SERPINB8: variants seen among roughly 807,000 people sequenced by gnomAD.
SERPINB8 encodes serpin B8.
In SERPINB8, 25 loss-of-function variants were observed where a neutral mutation model predicts 35.3. That is an observed-to-expected ratio of 0.71 (90% CI 0.52 to 0.99). SERPINB8 has a LOEUF of 0.99. SERPINB8 is among the 50% of genes least tolerant of loss of function. The pLI, the probability that SERPINB8 is intolerant of heterozygous loss-of-function variation, is 0.00. For synonymous variants in SERPINB8, 186 were observed against 160.8 expected (o/e 1.16, Z -1.19); for missense variants, 484 against 446.5 (o/e 1.08, Z -0.76).
Position 63,987,329 on chromosome 18 carries a change from T to C in SERPINB8, c.*51T>C. 2 of 1,538,878 alleles carry C rather than the reference T, an allele frequency of 1.3e-6. No individual in the cohort carries two copies. Among genetic ancestry groups the C allele is most frequent in the Non-Finnish European group, 1.8e-6 (2 of 1,137,568 alleles). On this transcript the variant is annotated 3_prime_UTR_variant, in exon 7 of 7. Coordinates refer to ENST00000397985, the MANE Select transcript of SERPINB8 (RefSeq NM_002640.4). ...TCCTTTCCTTCTACCTATCTTGCCT[T>C]AATTAACATTCCCTGTGACCTAGTT...
chr18:64,010,235 G>A (rs1476308919), downstream of SERPINB8, among the ~76,000 whole-genome samples: 5 of 152,004 alleles, frequency 3.3e-5, no homozygotes, highest in Non-Finnish European at 7.4e-5. Flanking sequence ...ATTAGAGAAC[G>A]GACTCTAAAT....
chr18:63,973,978 T>C (rs2050538242), intron 1 of SERPINB8, among the ~76,000 whole-genome samples: 1 of 152,194 alleles, frequency 6.6e-6, no homozygotes, highest in Non-Finnish European at 1.5e-5. Flanking sequence ...GGGCTCTTTT[T>C]TGGTTCCATA....
chr18:64,002,156 G>A (rs1017523004), intron 1 of SERPINB8, among the ~76,000 whole-genome samples: 6 of 152,120 alleles, frequency 3.9e-5, no homozygotes, highest in African/African-American at 1.4e-4. Context: ...TCTGAGCCAC[G>A]CAGTCTGCAC....
In SERPINB8 at chr18:63,979,952, A is replaced by G; in HGVS notation, c.306+14A>G. On this transcript the variant is annotated intron_variant, in intron 3 of 6. Coordinates refer to ENST00000397985, the MANE Select transcript of SERPINB8 (RefSeq NM_002640.4). The stretch of plus-strand genomic sequence containing the variant: ...GATTTCCTTCCAGTAAGTAGTATTC[A>G]CATATTGATGACAAAGAAATTGAAA... 6.2e-7 allele frequency: 1 copy of G among 1,613,250 alleles called. No individual in the cohort carries two copies. The highest frequency in any genetic ancestry group is 8.5e-7 in the Non-Finnish European group (1 of 1,179,314).
chr18:63,973,736 A>C (rs1183740361), intron 1 of SERPINB8, among the ~76,000 whole-genome samples: 7 of 152,180 alleles, frequency 4.6e-5, no homozygotes. Context: ...CCATTTATTA[A>C]ATAGGGAATC....
downstream of SERPINB8, among the ~76,000 whole-genome samples, chr18:64,007,701 A>G (rs1360599959): frequency 6.6e-6 from 1 of 152,182 alleles, no homozygotes. Flanking sequence ...GGAAGAGAGA[A>G]AGGGAGAGGT....
chr18:63,993,921 G>A (rs1236304126), downstream of SERPINB8, among the ~76,000 whole-genome samples: 1 of 152,160 alleles, frequency 6.6e-6, no homozygotes, highest in African/African-American at 2.4e-5. Context: ...TCCTTATGAG[G>A]GGAGCAGAGG....
rs867909596 is a variant in SERPINB8, at chr18:63,981,773, C to T, written c.359C>T (p.Ser120Phe). The T allele has an allele frequency of 1.2e-6, 2 of 1,613,884 alleles. No homozygotes were observed. Among genetic ancestry groups the T allele is most frequent in the East Asian group, 4.5e-5 (2 of 44,870 alleles). Residue 120 changes from serine (S) to phenylalanine (F), a missense_variant, in exon 4 of 7, where the codon TCC becomes TTC. By Grantham distance (155) the Ser-to-Phe change is radical. Transcript: ENST00000397985. ...KFYQAELEEL[S>F]FAEDTEECRK... ...TATCAGGCAGAGCTGGAGGAGTTGT[C>T]CTTTGCTGAAGACACTGAAGAGTGC...
At chr18:63,984,361 C>A (rs910093807) in intron 5 of SERPINB8, among the ~76,000 whole-genome samples, 1 of 152,296 alleles carries the variant, frequency 6.6e-6, no homozygotes, top group East Asian at 1.9e-4. Context: ...TAGTTAGATA[C>A]CTTTTTGCAA....
At chr18:64,011,990 A>G (rs1253396390) in intron 7 of SERPINB8, among the ~76,000 whole-genome samples, 5 of 152,200 alleles carry the variant, frequency 3.3e-5, no homozygotes, top group African/African-American at 1.2e-4. Context: ...GTGTTTCATA[A>G]TGCCCATGTC....
At chr18:63,991,307 A>G (rs1323386228), downstream of SERPINB8, among the ~76,000 whole-genome samples, 1 of 152,202 alleles carries the variant, frequency 6.6e-6, no homozygotes, top group Non-Finnish European at 1.5e-5. Context: ...ATTTGGAGAG[A>G]ATAGACATAC....
rs751793127 is a variant in SERPINB8 at position 63,981,789 on chromosome 18, T to C, written c.375T>C (p.Thr125=). 4.6e-5 allele frequency: 74 copies of C among 1,613,772 alleles called. No individual in the cohort carries two copies. In the Middle Eastern group the frequency reaches 4.9e-4, roughly 11 times the overall value. ...ELEELSFAED[T]EECRKHINDW... ...AGGAGTTGTCCTTTGCTGAAGACACTGAAGAGTGCAGGAAGCATATAAATG... is the reference window on the plus strand; with the variant it reads ...AGGAGTTGTCCTTTGCTGAAGACACCGAAGAGTGCAGGAAGCATATAAATG... The change falls in exon 4 of 7, where the codon ACT becomes ACC. Residue 125 remains threonine, a synonymous_variant. Transcript: ENST00000397985.
chr18:63,973,070 T>A (rs983391875), intron 1 of SERPINB8, among the ~76,000 whole-genome samples: 2 of 152,224 alleles, frequency 1.3e-5, no homozygotes, highest in African/African-American at 4.8e-5. Context: ...CGCCACACTG[T>A]CTTCCATAAT....
chr18:63,971,800 C>G (rs969086346), intron 1 of SERPINB8, among the ~76,000 whole-genome samples: 1 of 152,262 alleles, frequency 6.6e-6, no homozygotes, highest in African/African-American at 2.4e-5. Context: ...AGTTCAAACT[C>G]CTAAATGTGG....
At position 63,988,036 on chromosome 18, in the gene SERPINB8, G is replaced by A. The variant is rs986387775; in HGVS notation, c.*758G>A. ...CAGCTCAAGCACACCCCTTAGTTAA[G>A]AAAGAACCTCCATATACATTAATTT... On this transcript the variant is annotated 3_prime_UTR_variant, in exon 7 of 7. Coordinates refer to ENST00000397985, the MANE Select transcript of SERPINB8 (RefSeq NM_002640.4). 1 of 152,266 alleles carries A rather than the reference G, an allele frequency of 6.6e-6. No homozygotes were observed. The highest frequency in any genetic ancestry group is 6.5e-5 in the Admixed American group (1 of 15,298). 9.4% of individuals were successfully genotyped at this position (152,266 alleles called of 1,614,324 possible).
chr18:64,015,476 A>G (rs2050945641), intron 7 of SERPINB8, among the ~76,000 whole-genome samples: 1 of 152,198 alleles, frequency 6.6e-6, no homozygotes, highest in Non-Finnish European at 1.5e-5. Flanking sequence ...ACAAATCCGC[A>G]GCACAACACT....
chr18:63,970,264 G>A, intron 1 of SERPINB8, 94 bp downstream of exon 1: 1 of 183,710 alleles, frequency 5.4e-6, no homozygotes, highest in South Asian at 8.2e-5. Context: ...TGAGAGAGGG[G>A]AAGGGAGGAA....
intron 1 of SERPINB8, among the ~76,000 whole-genome samples, chr18:63,997,336 G>A (rs931441719): frequency 2.0e-5 from 3 of 152,156 alleles, no homozygotes; most frequent in African/African-American, 7.2e-5. Context: ...ATTCTCTAGT[G>A]AATGAAAATG....
At chr18:63,985,649 A>G (rs553087088) in intron 6 of SERPINB8, among the ~76,000 whole-genome samples, 3 of 152,324 alleles carry the variant, frequency 2.0e-5, no homozygotes, top group East Asian at 1.9e-4. Context: ...TTTTGATTCA[A>G]TGGAGTGTGG....
Sources: gnomAD v4.1 joint callset for allele counts (sites outside exome capture counted in the v4.1 genomes callset) on GRCh38, gnomAD v4.1.1 for gene constraint, MANE v1.5 for transcripts, NCBI Gene and HGNC (gene_info 2026-07-23, HGNC 2026-07-21) for gene names.